Variants in SPOP observed in about 807,000 individuals in gnomAD.
SPOP encodes speckle type BTB/POZ protein, also known as speckle-type POZ protein.
In SPOP, 11 loss-of-function variants were observed where a neutral mutation model predicts 45.6. The ratio of observed to expected loss-of-function variants is 0.24; its 90% CI spans 0.15 to 0.40. The LOEUF (loss-of-function observed/expected upper bound fraction) is 0.40, where lower values mean the gene tolerates loss of function less well. Among genes scored for constraint, SPOP ranks in the 10% least tolerant of loss-of-function variants. SPOP has a pLI of 1.00. For missense variants in SPOP, 152 were observed against 465.6 expected, an observed-to-expected ratio of 0.33 and a Z score of 6.20; for synonymous variants, 166 against 166.3, an observed-to-expected ratio of 1.00 and a Z score of 0.01.
intron 1 of SPOP, among the ~76,000 whole-genome samples, chr17:49,644,117 A>G (rs1301079568): frequency 6.6e-6 from 1 of 150,910 alleles, no homozygotes; most frequent in East Asian, 2.0e-4. Context: ...TGTAATCCCA[A>G]CACTTTGGGA....
intron 1 of SPOP, among the ~76,000 whole-genome samples, chr17:49,628,816 G>C (rs1165321926): frequency 6.6e-6 from 1 of 152,100 alleles, no homozygotes; most frequent in Non-Finnish European, 1.5e-5. Flanking sequence ...CTTCTTTCCT[G>C]CCTTCTTTTA....
At chr17:49,643,196 C>G (rs920222680) in intron 1 of SPOP, among the ~76,000 whole-genome samples, 1 of 152,212 alleles carries the variant, frequency 6.6e-6, no homozygotes, top group Admixed American at 6.5e-5. Flanking sequence ...CCTACTCAAA[C>G]GCTTGCAGCA....
At chr17:49,662,601 C>G (rs1424911204) in intron 1 of SPOP, among the ~76,000 whole-genome samples, 1 of 151,790 alleles carries the variant, frequency 6.6e-6, no homozygotes, top group Non-Finnish European at 1.5e-5. Context: ...GCAGGACAGT[C>G]GCTTGAACCT....
At chr17:49,659,767 C>T (rs538830708) in intron 1 of SPOP, among the ~76,000 whole-genome samples, 3 of 152,272 alleles carry the variant, frequency 2.0e-5, no homozygotes, top group South Asian at 4.1e-4. Context: ...TAGCCTCATT[C>T]GCATCTCAAA....
chr17:49,669,918 A>T (rs1352906317), intron 1 of SPOP, among the ~76,000 whole-genome samples: 4 of 150,326 alleles, frequency 2.7e-5, no homozygotes, highest in Non-Finnish European at 5.9e-5. Context: ...ATGATCACAC[A>T]TACATTTTTC....
intron 1 of SPOP, among the ~76,000 whole-genome samples, chr17:49,632,107 T>C (rs952364581): frequency 6.6e-6 from 1 of 152,200 alleles, no homozygotes; most frequent in Non-Finnish European, 1.5e-5. Flanking sequence ...AGACTCCTTC[T>C]CTTTTGGGAT....
intron 1 of SPOP, among the ~76,000 whole-genome samples, chr17:49,638,554 C>T (rs1156572708): frequency 6.6e-6 from 1 of 151,100 alleles, no homozygotes; most frequent in Non-Finnish European, 1.5e-5. Flanking sequence ...CACTGCACTC[C>T]AACCTGGTGA....
chr17:49,674,280 T>C (rs184951825), intron 1 of SPOP, among the ~76,000 whole-genome samples: 21 of 152,388 alleles, frequency 1.4e-4, no homozygotes, highest in Non-Finnish European at 2.2e-4. Context: ...GTAGAATTGC[T>C]ATTAGTTCTT....
At chr17:49,656,785 T>C (rs2035077173) in intron 1 of SPOP, among the ~76,000 whole-genome samples, 1 of 152,232 alleles carries the variant, frequency 6.6e-6, no homozygotes, top group African/African-American at 2.4e-5. Flanking sequence ...TGTATGTTTT[T>C]CCCTATTCCA....
At chr17:49,639,872 GT>G (rs113238083) in intron 1 of SPOP, among the ~76,000 whole-genome samples, 3,663 of 152,236 alleles carry the variant, frequency 0.024, 169 homozygotes, top group African/African-American at 0.084. Flanking sequence ...GGTCTAACTG[GT>G]GGTTACCTAG....
intron 6 of SPOP, among the ~76,000 whole-genome samples, chr17:49,608,244 G>A (rs921706061): frequency 6.6e-6 from 1 of 152,060 alleles, no homozygotes; most frequent in African/African-American, 2.4e-5. Flanking sequence ...ATAGATTTGG[G>A]GTTCAAATGG....
At chr17:49,666,466 C>G (rs1057161967) in intron 1 of SPOP, among the ~76,000 whole-genome samples, 1 of 151,286 alleles carries the variant, frequency 6.6e-6, no homozygotes, top group Non-Finnish European at 1.5e-5. Context: ...CACACACACA[C>G]ACACACACAC....
chr17:49,678,138 A>C (rs2073230212), upstream of SPOP: 1 of 392,418 alleles, frequency 2.5e-6, no homozygotes, highest in East Asian at 3.6e-5. Context: ...GTACCGCCAG[A>C]CCCCACCCCG....
At chr17:49,608,037 G>A (rs1037926416) in intron 6 of SPOP, 108 bp from the exon 7 acceptor site, 1 of 882,542 alleles carries the variant, frequency 1.1e-6, no homozygotes, top group African/African-American at 1.7e-5. Flanking sequence ...ACTGCTATAG[G>A]AAAGGTCTCT....
intron 6 of SPOP, among the ~76,000 whole-genome samples, 158 bp from the exon 7 acceptor site, chr17:49,608,087 T>C (rs1479662743): frequency 6.6e-6 from 1 of 152,170 alleles, no homozygotes; most frequent in Non-Finnish European, 1.5e-5. Context: ...CCTTTCTTCA[T>C]ATATTATAAC....
intron 1 of SPOP, among the ~76,000 whole-genome samples, chr17:49,674,987 A>C (rs1261896485): frequency 2.0e-5 from 3 of 152,234 alleles, no homozygotes; most frequent in Non-Finnish European, 4.4e-5. Context: ...TAGATAAAAG[A>C]CTGCACAAAT....
At chr17:49,634,101 A>G (rs1039881720) in intron 1 of SPOP, among the ~76,000 whole-genome samples, 1 of 152,202 alleles carries the variant, frequency 6.6e-6, no homozygotes, top group Non-Finnish European at 1.5e-5. Flanking sequence ...ATGGAAGGAC[A>G]GGAATCCGAA....
rs1432012108 is a variant in SPOP at position 49,602,153 on chromosome 17, T to C, written c.838-146A>G. ...CCATGAAAAGCTACTACTGCAATGATAAAACATAACCATTTCTGAAGGTTA... is the reference window on the plus strand; with the variant it reads ...CCATGAAAAGCTACTACTGCAATGACAAAACATAACCATTTCTGAAGGTTA... On this transcript the variant is annotated intron_variant, in intron 8 of 9. Transcript: ENST00000504102. 4.7e-6 allele frequency: 4 copies of C among 847,820 alleles called. No homozygotes were observed. In the Admixed American group the frequency reaches 9.5e-5, roughly 20 times the overall value. The allele number at this position is 847,820 out of a possible 1,614,324, so 52.5% of individuals were successfully genotyped here. A position where few individuals can be genotyped will look rare whatever the true frequency, so the allele number is the denominator to read the frequency against.
At chr17:49,629,593 C>A (rs1345343267) in intron 1 of SPOP, among the ~76,000 whole-genome samples, 1 of 152,164 alleles carries the variant, frequency 6.6e-6, no homozygotes, top group Non-Finnish European at 1.5e-5. Flanking sequence ...AATCAGAATT[C>A]TTTCAAGATA....
Sources: gnomAD v4.1 joint callset for allele counts (sites outside exome capture counted in the v4.1 genomes callset) on GRCh38, gnomAD v4.1.1 for gene constraint, MANE v1.5 for transcripts, NCBI Gene and HGNC (gene_info 2026-07-23, HGNC 2026-07-21) for gene names.